The following DLGAP2 variants were observed in gnomAD, a reference collection of about 807,000 sequenced individuals.
DLGAP2 encodes the protein disks large-associated protein 2.
A neutral mutation model predicts 100.3 loss-of-function variants in DLGAP2; 26 were observed. That is an observed-to-expected ratio of 0.26 (90% CI 0.19 to 0.36). The LOEUF (loss-of-function observed/expected upper bound fraction) is 0.36. Ranked by LOEUF, DLGAP2 falls within the 10% of genes least tolerant of loss-of-function variation. The probability of loss-of-function intolerance (pLI) is 1.00; values close to 1 mark genes in which losing one functional copy is unlikely to be tolerated. For missense variants in DLGAP2, 1,858 were observed against 1,453.2 expected (o/e 1.28, Z -4.53); for synonymous variants, 886 against 630.1 (o/e 1.41, Z -6.08).
chr8:1,664,380 A>G lies in DLGAP2; in HGVS notation c.1811-3949A>G, dbSNP rs1798491217. Among the ~76,000 whole-genome samples, 3 of 152,156 alleles carry G rather than the reference A, an allele frequency of 2.0e-5. No homozygotes were observed. In the South Asian group the frequency reaches 6.2e-4, roughly 32 times the overall value. ...TCAAGGCACGGCCAGGCTCACCCCCAGGAAGCTTCTTTCAACCCCAGTCTC... is the reference window on the plus strand; with the variant it reads ...TCAAGGCACGGCCAGGCTCACCCCCGGGAAGCTTCTTTCAACCCCAGTCTC... On this transcript the variant is annotated intron_variant, in intron 8 of 14. Coordinates refer to ENST00000637795, the MANE Select transcript of DLGAP2 (RefSeq NM_001346810.2).
chr8:1,235,218 TCACA>T (rs1798622513), intron 2 of DLGAP2, among the ~76,000 whole-genome samples: 2 of 111,194 alleles, frequency 1.8e-5, no homozygotes, highest in African/African-American at 6.5e-5. Flanking sequence ...TCTAGTTCTC[TCACA>T]CATGGCATGT....
intron 2 of DLGAP2, among the ~76,000 whole-genome samples, chr8:1,066,146 C>A (rs1209189304): frequency 6.6e-6 from 1 of 150,430 alleles, no homozygotes; most frequent in African/African-American, 2.5e-5. Context: ...GGACAGCTCC[C>A]CACCACAGTC....
At chr8:1,088,121 T>A (rs919871036) in intron 2 of DLGAP2, among the ~76,000 whole-genome samples, 6 of 152,244 alleles carry the variant, frequency 3.9e-5, no homozygotes, top group Admixed American at 2.6e-4. Flanking sequence ...GAGCTTTGCT[T>A]GTTCCACGTC....
intron 1 of DLGAP2, among the ~76,000 whole-genome samples, chr8:804,280 T>G (rs1175798833): frequency 6.6e-6 from 1 of 152,248 alleles, no homozygotes; most frequent in African/African-American, 2.4e-5. Flanking sequence ...GAGACTGTTT[T>G]CGTCTGTGTC....
At chr8:798,137 T>A (rs1470564643) in intron 1 of DLGAP2, among the ~76,000 whole-genome samples, 1 of 152,236 alleles carries the variant, frequency 6.6e-6, no homozygotes, top group African/African-American at 2.4e-5. Context: ...AGCTGAAAGA[T>A]CTGCAAAGGG....
intron 8 of DLGAP2, among the ~76,000 whole-genome samples, chr8:1,646,522 T>C (rs1214144563): frequency 3.9e-4 from 59 of 152,202 alleles, no homozygotes; most frequent in Admixed American, 3.9e-3. Context: ...TAAAGGGTAT[T>C]TTTTCAGGTT....
chr8:801,333 C>T (rs544636267), intron 1 of DLGAP2, among the ~76,000 whole-genome samples: 2 of 152,220 alleles, frequency 1.3e-5, no homozygotes, highest in Admixed American at 6.6e-5. Flanking sequence ...GACCTTAGGG[C>T]CTTGGATTCA....
chr8:1,151,632 A>G (rs568959933), intron 2 of DLGAP2, among the ~76,000 whole-genome samples: 1 of 152,276 alleles, frequency 6.6e-6, no homozygotes, highest in East Asian at 1.9e-4. Flanking sequence ...TTTAGGTAGA[A>G]AGGAGGAGGG....
intron 1 of DLGAP2, among the ~76,000 whole-genome samples, chr8:884,498 A>G (rs1444905140): frequency 6.6e-6 from 1 of 151,656 alleles, no homozygotes; most frequent in Admixed American, 6.6e-5. Context: ...TTTCCTGTAA[A>G]TAGTTTAAGT....
intron 2 of DLGAP2, among the ~76,000 whole-genome samples, chr8:1,043,897 G>C (rs535473129): frequency 1.3e-5 from 2 of 152,196 alleles, no homozygotes; most frequent in African/African-American, 4.8e-5. Flanking sequence ...CTCCAGGAAG[G>C]CAGGTGTGGA....
At chr8:1,324,182 C>T (rs1342611121) in intron 3 of DLGAP2, among the ~76,000 whole-genome samples, 2 of 152,308 alleles carry the variant, frequency 1.3e-5, no homozygotes, top group East Asian at 3.9e-4. Flanking sequence ...TCTTAAGTTG[C>T]TTCAAACATG....
intron 2 of DLGAP2, among the ~76,000 whole-genome samples, chr8:1,184,497 G>A (rs1456488121): frequency 3.3e-5 from 5 of 152,198 alleles, no homozygotes; most frequent in Non-Finnish European, 4.4e-5. Context: ...GTGGGTACCC[G>A]GGGTGCACGC....
At chr8:1,060,075 C>A (rs536599917) in intron 2 of DLGAP2, among the ~76,000 whole-genome samples, 15 of 152,238 alleles carry the variant, frequency 9.9e-5, no homozygotes, top group Non-Finnish European at 1.5e-5. Flanking sequence ...CTTCAAGTTC[C>A]TCCACAGGGT....
chr8:779,305 C>G (rs1406873197), intron 1 of DLGAP2, among the ~76,000 whole-genome samples: 2 of 152,202 alleles, frequency 1.3e-5, no homozygotes, highest in Admixed American at 1.3e-4. Context: ...CGTCTTCTGC[C>G]TTGCTCATGC....
rs560379825 is a variant in DLGAP2 at position 1,482,549 on chromosome 8, C to CA, written c.107-18811dup. Among the ~76,000 whole-genome samples, 22 of 152,368 alleles carry CA rather than the reference C, an allele frequency of 1.4e-4. No individual in the cohort carries two copies. The East Asian group carries it at 2.9e-3, about 20-fold the overall frequency. On this transcript the variant is annotated intron_variant, in intron 3 of 14. Transcript: ENST00000637795. ...GTCCTGCAGAGGACCTTGTAGTTAA[C>CA]AAAAAAGGCTCAACAAGCCCAGCTC...
chr8:1,244,539 C>G (rs1002805971), intron 2 of DLGAP2, among the ~76,000 whole-genome samples: 1 of 152,178 alleles, frequency 6.6e-6, no homozygotes, highest in African/African-American at 2.4e-5. Flanking sequence ...TGCAACAAAT[C>G]TAAAGAATGA....
At chr8:1,108,949 G>A (rs1454619316) in intron 2 of DLGAP2, among the ~76,000 whole-genome samples, 2 of 140,442 alleles carry the variant, frequency 1.4e-5, no homozygotes, top group African/African-American at 2.7e-5. Flanking sequence ...GGTCTGTGAC[G>A]TGCTGGGTCT....
At chr8:1,064,300 A>G (rs1052034868) in intron 2 of DLGAP2, among the ~76,000 whole-genome samples, 5 of 152,252 alleles carry the variant, frequency 3.3e-5, no homozygotes, top group Admixed American at 1.3e-4. Context: ...AGTTGTGTGT[A>G]TATACAGTGT....
intron 12 of DLGAP2, among the ~76,000 whole-genome samples, chr8:1,682,648 A>G (rs191596018): frequency 1.5e-4 from 23 of 151,428 alleles, no homozygotes; most frequent in Admixed American, 5.3e-4. Flanking sequence ...CTAATTTTGT[A>G]TTTTTAGTAG....
Sources: allele counts gnomAD v4.1 joint callset (sites outside exome capture counted in the v4.1 genomes callset), GRCh38; gene constraint gnomAD v4.1.1; transcripts MANE v1.5; gene names NCBI Gene and HGNC (gene_info 2026-07-23, HGNC 2026-07-21).